The following STK3 variants were observed in gnomAD, a reference collection of about 807,000 sequenced individuals.
STK3 encodes the protein serine/threonine kinase 3.
In STK3, 41 loss-of-function variants were observed where a neutral mutation model predicts 58.0. That is an observed-to-expected ratio of 0.71 (90% CI 0.55 to 0.92). The LOEUF is 0.92. Among genes scored for constraint, STK3 ranks in the 40% least tolerant of loss-of-function variants. The probability of loss-of-function intolerance (pLI) is 0.00; values close to 1 mark genes in which losing one functional copy is unlikely to be tolerated. For synonymous variants in STK3, 170 were observed against 191.0 expected (o/e 0.89, Z 0.91); for missense variants, 479 against 602.7 (o/e 0.79, Z 2.15).
In STK3 at chr8:98,455,636, G is replaced by T; in HGVS notation, c.*206C>A. The T allele has an allele frequency of 1.7e-6, 1 of 586,356 alleles. No homozygotes were observed. The highest frequency in any genetic ancestry group is 3.0e-6 in the Non-Finnish European group (1 of 334,966). The allele number at this position is 586,356 out of a possible 1,614,324, so 36.3% of individuals were successfully genotyped here. A position where few individuals can be genotyped will look rare whatever the true frequency, so the allele number is the denominator to read the frequency against. On this transcript the variant is annotated 3_prime_UTR_variant, in exon 11 of 11. Transcript: ENST00000419617. ...CAGAACAAGAGAATACACTTCTTTT[G>T]TTCTCCTCATCTTAGAGTGAATGCA...
intron 9 of STK3, among the ~76,000 whole-genome samples, chr8:98,539,725 C>T (rs1426978895): frequency 1.3e-5 from 2 of 151,966 alleles, no homozygotes; most frequent in Non-Finnish European, 2.9e-5. Context: ...TAATATACAA[C>T]CTAAACATAA....
At chr8:98,620,372 C>T (rs1455076115) in intron 6 of STK3, among the ~76,000 whole-genome samples, 5 of 139,496 alleles carry the variant, frequency 3.6e-5, no homozygotes, top group Admixed American at 2.2e-4. Context: ...TGCTAGATGA[C>T]GAGTTAGTGG....
At chr8:98,932,929 A>C (rs1439488742) in intron 1 of STK3, among the ~76,000 whole-genome samples, 2 of 152,222 alleles carry the variant, frequency 1.3e-5, no homozygotes, top group African/African-American at 4.8e-5. Context: ...TTTTGCCTGA[A>C]ATCAGTAGCC....
At chr8:98,822,931 G>A (rs568952397) in intron 1 of STK3, among the ~76,000 whole-genome samples, 3 of 152,232 alleles carry the variant, frequency 2.0e-5, no homozygotes, top group Non-Finnish European at 4.4e-5. Flanking sequence ...AGGAGGCTGA[G>A]GGACGAGAAT....
At chr8:98,383,439 T>G (rs1206481192) in intron 1 of STK3, among the ~76,000 whole-genome samples, 1 of 152,178 alleles carries the variant, frequency 6.6e-6, no homozygotes, top group African/African-American at 2.4e-5. Flanking sequence ...GAATAGCAGG[T>G]GCATGTCTGT....
chr8:98,470,944 A>G (rs1820872674), intron 10 of STK3, among the ~76,000 whole-genome samples: 1 of 152,224 alleles, frequency 6.6e-6, no homozygotes, highest in South Asian at 2.1e-4. Context: ...GTAAAAGTGG[A>G]AGCAGTACAA....
At chr8:98,429,347 G>A (rs778018003) in intron 3 of STK3, 2 of 1,614,178 alleles carry the variant, frequency 1.2e-6, no homozygotes, top group South Asian at 1.1e-5. Flanking sequence ...AATCCCTTAT[G>A]GCAAGCCTGA....
Position 98,539,938 on chromosome 8 carries a change from G to C in STK3, c.1141+8031C>G, listed in dbSNP as rs576411639. Among the ~76,000 whole-genome samples, 40 of 152,278 alleles carry C rather than the reference G, an allele frequency of 2.6e-4. No individual in the cohort carries two copies. The South Asian group carries it at 7.9e-3, about 30-fold the overall frequency. Reference sequence around the variant, plus strand: ...CCAGCTAATTTTTGTATTTTTAGTAGAGACGGGGTTTCACCGTGTTGGCCA... The same window carrying C: ...CCAGCTAATTTTTGTATTTTTAGTACAGACGGGGTTTCACCGTGTTGGCCA... On this transcript the variant is annotated intron_variant, in intron 9 of 10. Transcript: ENST00000419617.
intron 1 of STK3, among the ~76,000 whole-genome samples, chr8:98,781,161 G>A (rs1832061345): frequency 6.6e-6 from 1 of 152,198 alleles, no homozygotes; most frequent in Non-Finnish European, 1.5e-5. Flanking sequence ...GAAATAAGAT[G>A]AGCCCTGCCA....
At chr8:98,715,918 G>A (rs934043126) in intron 4 of STK3, among the ~76,000 whole-genome samples, 1 of 152,154 alleles carries the variant, frequency 6.6e-6, no homozygotes, top group East Asian at 1.9e-4. Flanking sequence ...TTAAGAAAAT[G>A]TGGCGCATAT....
rs150649487 is a variant in STK3, at chr8:98,557,009, A to G, written c.949-8848T>C. Reference sequence around the variant, plus strand: ...AACACCAGTTATTTGTAATCAAAAAATGACTTACTATACTTTGTCACTTGA... The same window carrying G: ...AACACCAGTTATTTGTAATCAAAAAGTGACTTACTATACTTTGTCACTTGA... On this transcript the variant is annotated intron_variant, in intron 8 of 10. Coordinates refer to ENST00000419617, the MANE Select transcript of STK3 (RefSeq NM_006281.4). Among the ~76,000 whole-genome samples, 1,397 of 152,236 alleles carry G rather than the reference A, an allele frequency of 9.2e-3. 16 individuals are homozygous for G. Among genetic ancestry groups the G allele is most frequent in the African/African-American group, 0.032 (1,320 of 41,548 alleles).
chr8:98,415,935 G>A (rs964336704), intron 3 of STK3, among the ~76,000 whole-genome samples: 1 of 152,228 alleles, frequency 6.6e-6, no homozygotes, highest in Non-Finnish European at 1.5e-5. Flanking sequence ...TGACCCAGCT[G>A]TATGCACACA....
chr8:98,572,994 A>G (rs1813084189), intron 8 of STK3, among the ~76,000 whole-genome samples: 1 of 152,222 alleles, frequency 6.6e-6, no homozygotes, highest in South Asian at 2.1e-4. Context: ...CCTCACCTTG[A>G]ATATGGACAG....
At chr8:98,680,924 A>G (rs1056602045) in intron 6 of STK3, among the ~76,000 whole-genome samples, 2 of 152,136 alleles carry the variant, frequency 1.3e-5, no homozygotes, top group East Asian at 3.9e-4. Context: ...ATTATGTTTT[A>G]CATCAGTTTT....
At chr8:98,542,406 A>C (rs1810364687) in intron 9 of STK3, among the ~76,000 whole-genome samples, 1 of 152,114 alleles carries the variant, frequency 6.6e-6, no homozygotes. Flanking sequence ...GCATTTGCTC[A>C]TCTTGCCATT....
At chr8:98,871,991 G>T (rs1837396352) in intron 3 of STK3, among the ~76,000 whole-genome samples, 1 of 152,126 alleles carries the variant, frequency 6.6e-6, no homozygotes, top group Non-Finnish European at 1.5e-5. Flanking sequence ...GTCATAAATA[G>T]CTCTTATTAT....
At chr8:98,537,748 T>C (rs1809890188) in intron 9 of STK3, among the ~76,000 whole-genome samples, 1 of 152,188 alleles carries the variant, frequency 6.6e-6, no homozygotes, top group African/African-American at 2.4e-5. Context: ...TTCCTTCAAC[T>C]AGTTGCTCAT....
intron 1 of STK3, among the ~76,000 whole-genome samples, chr8:98,386,359 T>C (rs1170555997): frequency 1.3e-5 from 2 of 152,074 alleles, no homozygotes; most frequent in East Asian, 1.9e-4. Context: ...AATGATGGAG[T>C]TTATTATTAC....
At chr8:98,719,890 C>T (rs1053978308) in intron 4 of STK3, among the ~76,000 whole-genome samples, 7 of 152,228 alleles carry the variant, frequency 4.6e-5, no homozygotes, top group Non-Finnish European at 8.8e-5. Flanking sequence ...TATACAGCCT[C>T]TCTTTCATTA....
Sources: gnomAD v4.1 joint callset for allele counts (sites outside exome capture counted in the v4.1 genomes callset) on GRCh38, gnomAD v4.1.1 for gene constraint, MANE v1.5 for transcripts, NCBI Gene and HGNC (gene_info 2026-07-23, HGNC 2026-07-21) for gene names.